The following AOPEP variants were observed in gnomAD, a reference collection of about 807,000 sequenced individuals.
The protein encoded by AOPEP is aminopeptidase O.
AOPEP carries 77 observed loss-of-function variants against 98.1 expected under a neutral mutation model. That is an observed-to-expected ratio of 0.78 (90% CI 0.65 to 0.95). The LOEUF is 0.95. AOPEP is among the 40% of genes least tolerant of loss of function. The pLI is 0.00. For synonymous variants in AOPEP, 346 were observed against 365.3 expected, an observed-to-expected ratio of 0.95 and a Z score of 0.60; for missense variants, 1,024 against 1,024.7, an observed-to-expected ratio of 1.00 and a Z score of 0.01.
At chr9:95,089,479 G>A (rs932204000), downstream of AOPEP, among the ~76,000 whole-genome samples, 3 of 152,238 alleles carry the variant, frequency 2.0e-5, no homozygotes, top group Non-Finnish European at 4.4e-5. Flanking sequence ...CATCTGCCAA[G>A]TGGCAGGGTT....
chr9:94,859,092 G>A (rs890515409), intron 5 of AOPEP, among the ~76,000 whole-genome samples: 8 of 151,124 alleles, frequency 5.3e-5, no homozygotes, highest in Non-Finnish European at 1.2e-4. Flanking sequence ...ACTTCAGCCT[G>A]GGCGACAGAG....
chr9:94,759,941 TC>T lies in AOPEP; in HGVS notation c.159del (p.Phe53LeufsTer32), dbSNP rs1837884931. The T allele has an allele frequency of 1.9e-6, 3 of 1,613,902 alleles. No individual in the cohort carries two copies. The highest frequency in any genetic ancestry group is 2.5e-6 in the Non-Finnish European group (3 of 1,180,018). ...CTTTTCCTCGAGGATGGAAACAGAT[TC>T]AAGAAACAGAATAGCTCTATTGAGG... ...IVLFLEDGNR[F>X]KKQNSSIEEA... is the part of the protein sequence containing the mutation. On this transcript the variant is annotated frameshift_variant, in exon 2 of 17. Transcript: ENST00000375315. LOFTEE classifies it high-confidence loss of function.
At chr9:95,108,459 G>A in the AOPEP span, among the ~76,000 whole-genome samples, 5 of 152,166 alleles carry the variant, frequency 3.3e-5, no homozygotes, top group East Asian at 1.9e-4. Context: ...ACCCACAACC[G>A]ACTTTCTGCC....
chr9:94,858,083 G>GAA (rs77077177), intron 5 of AOPEP, among the ~76,000 whole-genome samples: 3 of 119,284 alleles, frequency 2.5e-5, no homozygotes, highest in Non-Finnish European at 3.6e-5. Flanking sequence ...GTTCTAGTTT[G>GAA]AAAAAAAAAA....
At chr9:95,038,186 C>G (rs1394411252) in intron 13 of AOPEP, among the ~76,000 whole-genome samples, 2 of 152,146 alleles carry the variant, frequency 1.3e-5, no homozygotes, top group Non-Finnish European at 2.9e-5. Flanking sequence ...AAAACACTTT[C>G]TTTCCAGTTA....
chr9:95,134,327 T>C, the AOPEP span, among the ~76,000 whole-genome samples: 1 of 151,950 alleles, frequency 6.6e-6, no homozygotes, highest in East Asian at 1.9e-4. Context: ...GAGGTAGGGG[T>C]TCTATGAGCT....
At chr9:94,752,329 CACAT>C (rs1481773264) in intron 1 of AOPEP, among the ~76,000 whole-genome samples, 2 of 151,026 alleles carry the variant, frequency 1.3e-5, no homozygotes, top group African/African-American at 2.5e-5. Flanking sequence ...AACAACAACA[CACAT>C]ACAGACACAC....
chr9:94,851,959 C>A (rs2043603735), intron 5 of AOPEP, among the ~76,000 whole-genome samples: 1 of 151,716 alleles, frequency 6.6e-6, no homozygotes, highest in South Asian at 2.1e-4. Context: ...AAGAGAGTGA[C>A]ATAGCCAGAG....
chr9:94,842,119 C>G (rs1588493025), intron 5 of AOPEP, among the ~76,000 whole-genome samples: 1 of 151,880 alleles, frequency 6.6e-6, no homozygotes, highest in South Asian at 2.1e-4. Flanking sequence ...CCCAGCACTT[C>G]GGGAGGCCTA....
At chr9:95,085,137 G>A in intron 16 of AOPEP, 1 of 428,292 alleles carries the variant, frequency 2.3e-6, no homozygotes, top group South Asian at 1.7e-5. Flanking sequence ...TAACAGGCGT[G>A]AAGGCGGCAG....
At chr9:94,844,263 C>T (rs1186421377) in intron 5 of AOPEP, among the ~76,000 whole-genome samples, 1 of 152,136 alleles carries the variant, frequency 6.6e-6, no homozygotes, top group Non-Finnish European at 1.5e-5. Flanking sequence ...ACCATGTTGG[C>T]CAGGCTGGTC....
intron 5 of AOPEP, among the ~76,000 whole-genome samples, chr9:94,866,935 A>G (rs1181429534): frequency 6.6e-6 from 1 of 152,210 alleles, no homozygotes; most frequent in East Asian, 1.9e-4. Context: ...TGTTGGTGTG[A>G]AATGCATGAA....
intron 3 of AOPEP, among the ~76,000 whole-genome samples, chr9:94,790,432 G>A (rs1192662960): frequency 6.6e-6 from 1 of 152,122 alleles, no homozygotes; most frequent in African/African-American, 2.4e-5. Context: ...CTCCCAAAGT[G>A]CTGGAATTAC....
At position 94,780,093 on chromosome 9, in the gene AOPEP, T is replaced by C. The variant is rs541099225; in HGVS notation, c.964+6925T>C. On this transcript the variant is annotated intron_variant, in intron 3 of 16. Transcript: ENST00000375315. ...GCTAAATCTAGTCCACTGCCTGTTT[T>C]TGTAAATAAAGTTTTATTGGATCAT... Among the ~76,000 whole-genome samples, 3 of 152,342 alleles carry C rather than the reference T, an allele frequency of 2.0e-5. No individual in the cohort carries two copies. In the South Asian group the frequency reaches 6.2e-4, roughly 32 times the overall value.
At chr9:94,895,886 G>A (rs2049486616) in intron 5 of AOPEP, among the ~76,000 whole-genome samples, 1 of 152,198 alleles carries the variant, frequency 6.6e-6, no homozygotes, top group Non-Finnish European at 1.5e-5. Flanking sequence ...TTGGAGCACA[G>A]CATTGCCCAG....
At chr9:95,111,040 G>A in the AOPEP span, 1 of 1,457,644 alleles carries the variant, frequency 6.9e-7, no homozygotes, top group Non-Finnish European at 9.0e-7. Flanking sequence ...CAGTCAAGAT[G>A]GAAGCAAGCC....
chr9:95,099,980 A>G, the AOPEP span: 6 of 232,166 alleles, frequency 2.6e-5, no homozygotes, highest in Non-Finnish European at 5.1e-5. Context: ...CCTCCACAAC[A>G]GGAGGCCTGG....
intron 5 of AOPEP, among the ~76,000 whole-genome samples, chr9:94,852,154 G>A (rs772834337): frequency 6.6e-5 from 10 of 152,112 alleles, no homozygotes; most frequent in Non-Finnish European, 1.2e-4. Flanking sequence ...GTCATCTTAG[G>A]CAGTTATCCT....
At chr9:95,101,704 C>T in the AOPEP span, 1 of 1,613,878 alleles carries the variant, frequency 6.2e-7, no homozygotes, top group Non-Finnish European at 8.5e-7. Context: ...GCCTGCGTGC[C>T]TTCTAGACTT....
Sources: gnomAD v4.1 joint callset for allele counts (sites outside exome capture counted in the v4.1 genomes callset) on GRCh38, gnomAD v4.1.1 for gene constraint, MANE v1.5 for transcripts, NCBI Gene and HGNC (gene_info 2026-07-23, HGNC 2026-07-21) for gene names.